Variants in DNAI4 observed in about 807,000 individuals in gnomAD.
DNAI4 encodes dynein axonemal intermediate chain 4.
Under a neutral mutation model 105.8 loss-of-function variants are expected in DNAI4, and 85 were observed. That is an observed-to-expected ratio of 0.80 (90% confidence interval 0.67 to 0.96). The LOEUF is 0.96. Among genes scored for constraint, DNAI4 ranks in the 40% least tolerant of loss-of-function variants. The probability of loss-of-function intolerance (pLI) is 0.00; values close to 1 mark genes in which losing one functional copy is unlikely to be tolerated. For missense variants in DNAI4, 1,014 were observed against 1,005.6 expected, an observed-to-expected ratio of 1.01 and a Z score of -0.11; for synonymous variants, 352 against 331.5, an observed-to-expected ratio of 1.06 and a Z score of -0.67.
intron 9 of DNAI4, among the ~76,000 whole-genome samples, chr1:66,839,973 T>C (rs1207721516): frequency 6.6e-6 from 1 of 152,226 alleles, no homozygotes; most frequent in African/African-American, 2.4e-5. Context: ...GTGCCTGCTA[T>C]ATACTAAGTG....
In DNAI4 at chr1:66,850,142, C is replaced by CAA. The variant is rs34423900; in HGVS notation, c.1097-2466_1097-2465dup. Among the ~76,000 whole-genome samples the CAA allele has an allele frequency of 0.013, 1,661 of 129,434 alleles. 83 individuals are homozygous for CAA. The East Asian group carries it at 0.13, about 10-fold the overall frequency. The allele number at this position is 129,434 out of a possible 152,430, so 84.9% of individuals were successfully genotyped here. On this transcript the variant is annotated intron_variant, in intron 7 of 16. Transcript: ENST00000371026. ...ACTAAAATTTCTAAAAACAGAAGAC[C>CAA]AAAAAAAAAAAAAAAAAATCTAGAA...
intron 2 of DNAI4, among the ~76,000 whole-genome samples, chr1:66,897,139 A>G (rs1034106973): frequency 2.6e-5 from 4 of 152,238 alleles, no homozygotes; most frequent in Admixed American, 2.0e-4. Context: ...GAGGTCTCAG[A>G]CAGAAATTCT....
intron 4 of DNAI4, among the ~76,000 whole-genome samples, chr1:66,887,118 T>C (rs916728568): frequency 4.6e-5 from 7 of 152,134 alleles, no homozygotes; most frequent in African/African-American, 1.4e-4. Flanking sequence ...ATGAAGGCCA[T>C]GTAAGTGTGG....
chr1:66,839,383 A>T (rs927451657), intron 9 of DNAI4, among the ~76,000 whole-genome samples: 1 of 152,214 alleles, frequency 6.6e-6, no homozygotes, highest in Non-Finnish European at 1.5e-5. Context: ...AATAATACAC[A>T]TAATTAAAAT....
chr1:66,907,898 T>G (rs1188162525), intron 1 of DNAI4, among the ~76,000 whole-genome samples: 1 of 152,200 alleles, frequency 6.6e-6, no homozygotes, highest in Admixed American at 6.5e-5. Context: ...ACTCCAATCC[T>G]TCAACAATCC....
At chr1:66,862,614 A>G (rs772508037) in intron 6 of DNAI4, among the ~76,000 whole-genome samples, 31 of 152,320 alleles carry the variant, frequency 2.0e-4, no homozygotes, top group Middle Eastern at 3.4e-3. Context: ...TAAAAACACT[A>G]TTGTTTTACA....
chr1:66,842,746 G>A (rs939610519), intron 8 of DNAI4, among the ~76,000 whole-genome samples: 3 of 152,114 alleles, frequency 2.0e-5, no homozygotes, highest in African/African-American at 7.2e-5. Context: ...TTCCAAAGTG[G>A]ATATACCATT....
At chr1:66,842,788 T>C (rs1646178829) in intron 8 of DNAI4, among the ~76,000 whole-genome samples, 1 of 152,228 alleles carries the variant, frequency 6.6e-6, no homozygotes, top group African/African-American at 2.4e-5. Context: ...TAAGACTTCT[T>C]GTTGCTCCAC....
intron 2 of DNAI4, among the ~76,000 whole-genome samples, chr1:66,902,233 TG>T (rs1271293575): frequency 6.6e-6 from 1 of 152,070 alleles, no homozygotes; most frequent in Non-Finnish European, 1.5e-5. Flanking sequence ...TATTTTGTTT[TG>T]TTTTTTTTAA....
chr1:66,914,297 C>T (rs1458506844), intron 1 of DNAI4, among the ~76,000 whole-genome samples: 2 of 152,084 alleles, frequency 1.3e-5, no homozygotes, highest in Non-Finnish European at 2.9e-5. Context: ...CTATAGAGTT[C>T]CTAAGTCCTC....
intron 1 of DNAI4, among the ~76,000 whole-genome samples, chr1:66,907,642 A>G (rs757685997): frequency 1.3e-5 from 2 of 152,192 alleles, no homozygotes; most frequent in Admixed American, 6.5e-5. Context: ...TCCTCTGAAG[A>G]TTTCATATCC....
At chr1:66,889,210 A>C (rs1647385689) in intron 4 of DNAI4, among the ~76,000 whole-genome samples, 1 of 152,234 alleles carries the variant, frequency 6.6e-6, no homozygotes, top group Admixed American at 6.5e-5. Flanking sequence ...TTTAAAGCTA[A>C]GGGTGGTCAT....
In DNAI4 at chr1:66,874,779, A is replaced by G; in HGVS notation, c.800+2T>C. ...CAATGTAGACAACTGAACCATACAT[A>G]CGTTACTTTCTCAGCTTCTTCAGAT... On this transcript the variant is annotated splice_donor_variant, in intron 5 of 16. Transcript: ENST00000371026. LOFTEE classifies it high-confidence loss of function. The G allele has an allele frequency of 1.2e-6, 2 of 1,604,300 alleles. No individual in the cohort carries two copies. Among genetic ancestry groups the G allele is most frequent in the Non-Finnish European group, 8.5e-7 (1 of 1,177,388 alleles).
chr1:66,863,232 T>C (rs1416382519), intron 6 of DNAI4, among the ~76,000 whole-genome samples: 3 of 152,234 alleles, frequency 2.0e-5, no homozygotes, highest in Non-Finnish European at 2.9e-5. Flanking sequence ...TCAGCGATCA[T>C]GTAACAATAT....
intron 5 of DNAI4, among the ~76,000 whole-genome samples, chr1:66,874,481 T>G (rs1170228910): frequency 6.6e-6 from 1 of 152,116 alleles, no homozygotes; most frequent in Non-Finnish European, 1.5e-5. Flanking sequence ...AAAACCTATA[T>G]AGAGACTTGG....
At chr1:66,885,747 T>C (rs1217986113) in intron 4 of DNAI4, among the ~76,000 whole-genome samples, 3 of 152,170 alleles carry the variant, frequency 2.0e-5, no homozygotes, top group African/African-American at 4.8e-5. Context: ...TATTCTTCTA[T>C]AGGTAAGATT....
At chr1:66,901,066 C>T (rs185316654) in intron 2 of DNAI4, among the ~76,000 whole-genome samples, 94 of 152,152 alleles carry the variant, frequency 6.2e-4, no homozygotes, top group Admixed American at 1.8e-3. Flanking sequence ...TAGTTTGTTG[C>T]GTGTTTATAT....
Position 66,924,733 on chromosome 1 carries a change from G to A in DNAI4, c.99C>T (p.Cys33=), listed in dbSNP as rs3008858. 6.2e-7 allele frequency: 1 copy of A among 1,613,948 alleles called. No individual in the cohort carries two copies. Among genetic ancestry groups the A allele is most frequent in the African/African-American group, 1.3e-5 (1 of 74,898 alleles). The change falls in exon 1 of 17, where the codon TGC becomes TGT. Residue 33 remains cysteine, a synonymous_variant. Transcript: ENST00000371026. ...DFRGGQKKGW[C]TTPQLVATMP... is the part of the protein sequence containing the mutation. ...TGGTGGCGACCAGCTGGGGAGTGGT[G>A]CACCACCCCTTTTTTTGGCCGCCTC...
Position 66,814,657 on chromosome 1 carries a change from C to T in DNAI4, c.2497-477G>A, listed in dbSNP as rs1160509558. On this transcript the variant is annotated intron_variant, in intron 16 of 16. Coordinates refer to ENST00000371026, the MANE Select transcript of DNAI4 (RefSeq NM_024763.5). ...TGCTGGGATTACATGCGTGAGCCAC[C>T]GCGCCTGGCCAAAAGACTCTTTTAA... 4.6e-5 allele frequency among the ~76,000 whole-genome samples: 7 copies of T among 152,262 alleles called. No homozygotes were observed. The South Asian group carries it at 6.2e-4, about 14-fold the overall frequency.
Sources: allele counts gnomAD v4.1 joint callset (sites outside exome capture counted in the v4.1 genomes callset), GRCh38; gene constraint gnomAD v4.1.1; transcripts MANE v1.5; gene names NCBI Gene and HGNC (gene_info 2026-07-23, HGNC 2026-07-21).